PCLO: variants seen among roughly 807,000 people sequenced by gnomAD.
The protein encoded by PCLO is piccolo presynaptic cytomatrix protein.
PCLO carries 82 observed loss-of-function variants against 427.5 expected under a neutral mutation model. That is an observed-to-expected ratio of 0.19 (90% CI 0.16 to 0.23). The LOEUF is 0.23. PCLO is among the 10% of genes least tolerant of loss of function. The pLI is 1.00. For missense variants in PCLO, 6,239 were observed against 6,115.9 expected, an observed-to-expected ratio of 1.02 and a Z score of -0.67; for synonymous variants, 2,357 against 2,155.4, an observed-to-expected ratio of 1.09 and a Z score of -2.59.
intron 10 of PCLO, among the ~76,000 whole-genome samples, chr7:82,876,606 C>A (rs1793380146): frequency 6.6e-6 from 1 of 151,916 alleles, no homozygotes; most frequent in Non-Finnish European, 1.5e-5. Context: ...AGGAATAAAC[C>A]TTTATCATTG....
At chr7:82,864,637 G>T (rs946248996) in intron 10 of PCLO, among the ~76,000 whole-genome samples, 6 of 152,012 alleles carry the variant, frequency 3.9e-5, no homozygotes, top group African/African-American at 1.4e-4. Flanking sequence ...TTTCTTTTGT[G>T]TTTTCTCTGT....
At chr7:83,022,475 G>A (rs191682966) in intron 3 of PCLO, among the ~76,000 whole-genome samples, 59 of 152,220 alleles carry the variant, frequency 3.9e-4, no homozygotes, top group South Asian at 1.0e-3. Context: ...ACCAGGACCC[G>A]ATTCTTCAGG....
At chr7:83,105,082 C>A (rs1790821799) in intron 3 of PCLO, among the ~76,000 whole-genome samples, 1 of 152,064 alleles carries the variant, frequency 6.6e-6, no homozygotes, top group Admixed American at 6.6e-5. Flanking sequence ...TTAAACTAAG[C>A]AAACATTGAC....
At chr7:83,008,070 T>A (rs1353524986) in intron 3 of PCLO, among the ~76,000 whole-genome samples, 3 of 151,696 alleles carry the variant, frequency 2.0e-5, no homozygotes, top group Admixed American at 2.0e-4. Context: ...TTCCAAGTAA[T>A]ACCTGTTATT....
At chr7:83,099,679 C>G (rs1305502147) in intron 3 of PCLO, among the ~76,000 whole-genome samples, 1 of 152,152 alleles carries the variant, frequency 6.6e-6, no homozygotes, top group East Asian at 1.9e-4. Flanking sequence ...GCGTGAGCCA[C>G]TGCGTCTGGC....
chr7:82,797,990 A>G (rs1288869659), intron 22 of PCLO, among the ~76,000 whole-genome samples: 1 of 152,160 alleles, frequency 6.6e-6, no homozygotes, highest in Admixed American at 6.5e-5. Flanking sequence ...TGACATTCTC[A>G]ACAGAAATTG....
chr7:83,146,001 A>C (rs191796553), intron 2 of PCLO, among the ~76,000 whole-genome samples: 6 of 152,264 alleles, frequency 3.9e-5, no homozygotes, highest in Admixed American at 1.3e-4. Flanking sequence ...TGATTTTCTT[A>C]ATCTCTTTAC....
rs1213685661 is a variant in PCLO, at chr7:82,950,027, C to T, written c.10561G>A (p.Val3521Ile). ...TCAGTTTGCACAGATATCTCTGCTA[C>T]CGTTTGAACTGCTATGCTGGAGACT... ...SKVSSIAVQT[V>I]AEISVQTEPV... Residue 3521 changes from valine (V) to isoleucine (I), a missense_variant, in exon 6 of 25, where the codon GTA (valine) becomes ATA (isoleucine). By Grantham distance (29) the Val-to-Ile change is conservative. Around this residue, in one of 5 missense-constraint regions of PCLO, gnomAD observed 4,677 missense variants for 4,468.4 expected, o/e 1.05. Transcript: ENST00000333891. The T allele has an allele frequency of 1.2e-6, 2 of 1,612,924 alleles. No homozygotes were observed. The highest frequency in any genetic ancestry group is 2.7e-5 in the African/African-American group (2 of 74,562).
At chr7:82,971,030 A>G (rs1272336216) in intron 3 of PCLO, among the ~76,000 whole-genome samples, 1 of 151,824 alleles carries the variant, frequency 6.6e-6, no homozygotes, top group Non-Finnish European at 1.5e-5. Flanking sequence ...TAATCCAAAG[A>G]TTTTTGTATC....
chr7:82,979,784 C>T (rs1181232572), intron 3 of PCLO, among the ~76,000 whole-genome samples: 1 of 152,112 alleles, frequency 6.6e-6, no homozygotes. Flanking sequence ...GAAAGGGAAA[C>T]TGAATAATAT....
intron 3 of PCLO, among the ~76,000 whole-genome samples, chr7:82,967,930 TCA>T (rs1795816696): frequency 6.6e-6 from 1 of 152,212 alleles, no homozygotes; most frequent in South Asian, 2.1e-4. Flanking sequence ...TCTGAGAAGT[TCA>T]GTTTCAAATT....
chr7:83,010,365 A>T (rs1379298830), intron 3 of PCLO, among the ~76,000 whole-genome samples: 1 of 151,574 alleles, frequency 6.6e-6, no homozygotes, highest in African/African-American at 2.4e-5. Context: ...AAACCCTTCC[A>T]ATCTATTCCT....
At chr7:83,045,180 G>A (rs1789074539) in intron 3 of PCLO, among the ~76,000 whole-genome samples, 1 of 152,058 alleles carries the variant, frequency 6.6e-6, no homozygotes, top group South Asian at 2.1e-4. Flanking sequence ...AGTCTTGGGT[G>A]GTAAACTGTT....
At chr7:83,109,832 T>G (rs1318594962) in intron 3 of PCLO, among the ~76,000 whole-genome samples, 1 of 152,072 alleles carries the variant, frequency 6.6e-6, no homozygotes, top group African/African-American at 2.4e-5. Flanking sequence ...AATATAAGTA[T>G]ATAATTTCTC....
intron 2 of PCLO, among the ~76,000 whole-genome samples, chr7:83,152,394 C>T (rs762934841): frequency 4.6e-5 from 7 of 152,170 alleles, no homozygotes; most frequent in Non-Finnish European, 7.4e-5. Context: ...TTCAATAATG[C>T]TTTGTAACTA....
At chr7:82,815,870 C>A (rs1791667420) in intron 20 of PCLO, among the ~76,000 whole-genome samples, 1 of 152,068 alleles carries the variant, frequency 6.6e-6, no homozygotes, top group Non-Finnish European at 1.5e-5. Flanking sequence ...ACGAATTATA[C>A]TTTTCAGTAT....
intron 4 of PCLO, among the ~76,000 whole-genome samples, chr7:82,959,771 C>A (rs758760919): frequency 6.6e-6 from 1 of 151,562 alleles, no homozygotes; most frequent in African/African-American, 2.4e-5. Context: ...TGTTTACCTA[C>A]GGTGGTGATG....
intron 3 of PCLO, among the ~76,000 whole-genome samples, chr7:83,016,669 G>A (rs1330190083): frequency 6.6e-6 from 1 of 152,092 alleles, no homozygotes; most frequent in South Asian, 2.1e-4. Flanking sequence ...AAGGAAGAGA[G>A]ACATCACTGG....
intron 3 of PCLO, among the ~76,000 whole-genome samples, chr7:83,028,443 C>T (rs1303142417): frequency 2.2e-5 from 3 of 136,706 alleles, no homozygotes; most frequent in East Asian, 2.2e-4. Flanking sequence ...AACCACTGCT[C>T]AAGGAAATAA....
Sources: gnomAD v4.1 joint callset for allele counts (sites outside exome capture counted in the v4.1 genomes callset) on GRCh38, gnomAD v4.1.1 for gene constraint, gnomAD v4.1.1 regional missense constraint, MANE v1.5 for transcripts, NCBI Gene and HGNC (gene_info 2026-07-23, HGNC 2026-07-21) for gene names.